SCHIP1: variants seen among roughly 807,000 people sequenced by gnomAD.
SCHIP1 encodes schwannomin-interacting protein 1.
SCHIP1 carries 8 observed loss-of-function variants against 29.7 expected under a neutral mutation model. The observed-to-expected ratio is 0.27, with a 90% CI of 0.16 to 0.49. The LOEUF (loss-of-function observed/expected upper bound fraction) is 0.49, where lower values mean the gene tolerates loss of function less well. Ranked by LOEUF, SCHIP1 falls within the 20% of genes least tolerant of loss-of-function variation. SCHIP1 has a pLI of 0.99. For missense variants in SCHIP1, 193 were observed against 294.6 expected (o/e 0.66, Z 2.52); for synonymous variants, 76 against 94.9 (o/e 0.80, Z 1.16).
the SCHIP1 span, among the ~76,000 whole-genome samples, chr3:159,381,072 T>G: frequency 6.6e-6 from 1 of 152,210 alleles, no homozygotes; most frequent in South Asian, 2.1e-4. Context: ...AGATGCTTAA[T>G]TTACTACAGT....
chr3:159,424,009 A>G, the SCHIP1 span, among the ~76,000 whole-genome samples: 3 of 149,026 alleles, frequency 2.0e-5, no homozygotes, highest in African/African-American at 7.4e-5. Context: ...CCTGTCTGTT[A>G]GAAGGAAAAC....
chr3:159,470,472 T>C, the SCHIP1 span, among the ~76,000 whole-genome samples: 28 of 152,280 alleles, frequency 1.8e-4, no homozygotes, highest in Non-Finnish European at 3.4e-4. Context: ...TAGAATATCA[T>C]TTAAAAAGAT....
the SCHIP1 span, among the ~76,000 whole-genome samples, chr3:159,743,513 G>C: frequency 5.0e-4 from 76 of 152,320 alleles, 1 homozygote; most frequent in South Asian, 0.015. Flanking sequence ...TATATAATAT[G>C]CTTGAAATGG....
chr3:159,647,201 G>A, the SCHIP1 span, among the ~76,000 whole-genome samples: 8 of 152,174 alleles, frequency 5.3e-5, no homozygotes, highest in South Asian at 1.7e-3. Context: ...AGGAAAACCA[G>A]AAGAGAGTGT....
the SCHIP1 span, among the ~76,000 whole-genome samples, chr3:159,796,743 C>T: frequency 1.3e-5 from 2 of 152,056 alleles, no homozygotes; most frequent in African/African-American, 2.4e-5. Context: ...ACAGAAAGAC[C>T]TGACATTGAC....
the SCHIP1 span, among the ~76,000 whole-genome samples, chr3:159,275,351 T>G: frequency 6.6e-6 from 1 of 152,198 alleles, no homozygotes; most frequent in African/African-American, 2.4e-5. Context: ...TGTTCCCTTA[T>G]GGCAAACTGT....
At chr3:159,369,220 C>A in the SCHIP1 span, among the ~76,000 whole-genome samples, 6 of 152,202 alleles carry the variant, frequency 3.9e-5, no homozygotes, top group Non-Finnish European at 8.8e-5. Context: ...CTATTCACAT[C>A]TATTCCTCTG....
chr3:159,664,182 C>G, the SCHIP1 span, among the ~76,000 whole-genome samples: 159 of 152,234 alleles, frequency 1.0e-3, no homozygotes, highest in African/African-American at 3.8e-3. Flanking sequence ...TCATCTCTCC[C>G]CACTTGGCAC....
the SCHIP1 span, among the ~76,000 whole-genome samples, chr3:159,360,726 CT>C: frequency 2.0e-5 from 3 of 151,498 alleles, no homozygotes; most frequent in Non-Finnish European, 2.9e-5. Flanking sequence ...CTAATAAATG[CT>C]TTTTTTTTAA....
the SCHIP1 span, among the ~76,000 whole-genome samples, chr3:159,733,962 G>A: frequency 6.6e-6 from 1 of 152,000 alleles, no homozygotes; most frequent in Non-Finnish European, 1.5e-5. Flanking sequence ...TTCACAATGT[G>A]GAAGACAGCA....
At chr3:159,894,500 T>G (rs1717865130) in intron 6 of SCHIP1, 1 of 152,208 alleles carries the variant, frequency 6.6e-6, no homozygotes, top group Non-Finnish European at 1.5e-5. Flanking sequence ...TAAGACTGTG[T>G]TAAGACCTTC....
At chr3:159,730,011 T>C in the SCHIP1 span, among the ~76,000 whole-genome samples, 1 of 152,256 alleles carries the variant, frequency 6.6e-6, no homozygotes, top group African/African-American at 2.4e-5. Flanking sequence ...ACAATTTATA[T>C]CTACACTATA....
intron 1 of SCHIP1, chr3:159,852,986 C>G (rs926778123): frequency 6.2e-6 from 1 of 162,258 alleles, no homozygotes; most frequent in Non-Finnish European, 1.3e-5. Context: ...CGGCCCTGAA[C>G]GCGGAGTTGA....
the SCHIP1 span, among the ~76,000 whole-genome samples, chr3:159,424,683 A>T: frequency 1.3e-5 from 2 of 152,206 alleles, no homozygotes; most frequent in African/African-American, 4.8e-5. Context: ...TTCAGGAAAT[A>T]CAGAGAACGC....
the SCHIP1 span, among the ~76,000 whole-genome samples, chr3:159,560,319 C>T: frequency 6.6e-6 from 1 of 152,160 alleles, no homozygotes. Flanking sequence ...TAGGGAGTTA[C>T]TATTGAATTG....
chr3:159,891,996 A>G, intron 5 of SCHIP1, 101 bp from the exon 7 acceptor site: 1 of 1,278,856 alleles, frequency 7.8e-7, no homozygotes, highest in South Asian at 1.6e-5. Context: ...TATCTTTCCT[A>G]TTATGGGTAG....
chr3:159,644,484 C>T, the SCHIP1 span, among the ~76,000 whole-genome samples: 1 of 143,214 alleles, frequency 7.0e-6, no homozygotes, highest in Non-Finnish European at 1.5e-5. Context: ...AATGCACCAA[C>T]CACATTTCTT....
the SCHIP1 span, among the ~76,000 whole-genome samples, chr3:159,467,850 C>G: frequency 1.3e-5 from 2 of 152,174 alleles, no homozygotes; most frequent in Admixed American, 1.3e-4. Flanking sequence ...TTGTAAATAT[C>G]TTGTAGAGAG....
At chr3:159,739,440 T>C in the SCHIP1 span, among the ~76,000 whole-genome samples, 1 of 152,116 alleles carries the variant, frequency 6.6e-6, no homozygotes, top group African/African-American at 2.4e-5. Context: ...AAGAGGAGTA[T>C]TGGTGAAGGT....
Sources: gnomAD v4.1 joint callset for allele counts (sites outside exome capture counted in the v4.1 genomes callset) on GRCh38, gnomAD v4.1.1 for gene constraint, MANE v1.5 for transcripts, NCBI Gene and HGNC (gene_info 2026-07-23, HGNC 2026-07-21) for gene names.